Variants in FADS2 observed in about 807,000 individuals in gnomAD.
The protein encoded by FADS2 is fatty acid desaturase 2.
A neutral mutation model predicts 61.2 loss-of-function variants in FADS2; 18 were observed. The ratio of observed to expected loss-of-function variants is 0.29; its 90% CI spans 0.20 to 0.44. FADS2 has a LOEUF of 0.44. FADS2 is among the 20% of genes least tolerant of loss of function. FADS2 has a pLI of 1.00. For missense variants in FADS2, 322 were observed against 572.7 expected, an observed-to-expected ratio of 0.56 and a Z score of 4.47; for synonymous variants, 203 against 223.9, an observed-to-expected ratio of 0.91 and a Z score of 0.83.
At chr11:61,821,451 G>A (rs1224955754) in intron 1 of FADS2, 2 of 701,460 alleles carry the variant, frequency 2.9e-6, no homozygotes, top group African/African-American at 1.7e-5. Context: ...GCCAGTGGCT[G>A]TTGGAATAAC....
chr11:61,826,384 C>T (rs1401655544), upstream of FADS2: 1 of 702,570 alleles, frequency 1.4e-6, no homozygotes, highest in South Asian at 1.5e-5. Flanking sequence ...ATACGTGCTC[C>T]CTTTTAGGGC....
At chr11:61,820,864 C>T (rs1474809465) in intron 1 of FADS2, among the ~76,000 whole-genome samples, 1 of 152,130 alleles carries the variant, frequency 6.6e-6, no homozygotes, top group Non-Finnish European at 1.5e-5. Flanking sequence ...TGCACCACTG[C>T]ACTCCAGCCT....
At chr11:61,833,945 T>G (rs2067149923) in intron 1 of FADS2, among the ~76,000 whole-genome samples, 1 of 152,230 alleles carries the variant, frequency 6.6e-6, no homozygotes. Flanking sequence ...ACAAGACAGG[T>G]GCAGGCCTTC....
intron 1 of FADS2, among the ~76,000 whole-genome samples, chr11:61,821,156 G>T (rs1394237321): frequency 1.3e-5 from 2 of 152,150 alleles, no homozygotes; most frequent in East Asian, 3.8e-4. Flanking sequence ...TTAATTTTAG[G>T]TTGCCACTTG....
chr11:61,851,650 C>G (rs1331119729), intron 5 of FADS2, among the ~76,000 whole-genome samples: 1 of 152,214 alleles, frequency 6.6e-6, no homozygotes, highest in Non-Finnish European at 1.5e-5. Flanking sequence ...ACAGCAGGGC[C>G]AGGTGGGGCG....
At chr11:61,835,426 G>T (rs2067164863) in intron 1 of FADS2, among the ~76,000 whole-genome samples, 1 of 144,536 alleles carries the variant, frequency 6.9e-6, no homozygotes, top group Middle Eastern at 3.2e-3. Context: ...ATGGAGTCTC[G>T]CTCTGTCGCC....
At position 61,865,346 on chromosome 11, in the gene FADS2, A is replaced by G. The variant is rs977257200; in HGVS notation, c.1283+69A>G. On this transcript the variant is annotated intron_variant, in intron 11 of 11. Transcript: ENST00000278840. This position sits in a 1 kb window ranked among gnomAD's most constrained non-coding sequence, Gnocchi z 4.1. ...GTGGTGCAGACAGTGGGATCACAAG[A>G]GGGGCTGGGCCCTCCTGGCACAGTC... 1.9e-6 allele frequency: 3 copies of G among 1,574,554 alleles called. No individual in the cohort carries two copies. Among genetic ancestry groups the G allele is most frequent in the Non-Finnish European group, 1.7e-6 (2 of 1,159,012 alleles).
rs548933757 is a variant in FADS2, at chr11:61,863,733, G to A, written c.1104G>A (p.Gln368=). The change falls in exon 10 of 12, where the codon CAG becomes CAA. Residue 368 remains glutamine (Q), a synonymous_variant. Transcript: ENST00000278840. ...TGACAGCCACCTGCAACGTGGAGCA[G>A]TCCTTCTTCAACGACTGGTTCAGTG... ...SQLTATCNVE[Q]SFFNDWFSGH... 8.7e-6 allele frequency: 14 copies of A among 1,614,240 alleles called. No homozygotes were observed. The highest frequency in any genetic ancestry group is 2.7e-5 in the African/African-American group (2 of 75,078).
Position 61,828,505 on chromosome 11 carries a change from A to G in FADS2, c.115A>G (p.Ile39Val). The G allele has an allele frequency of 6.2e-7, 1 of 1,613,702 alleles. No homozygotes were observed. Among genetic ancestry groups the G allele is most frequent in the East Asian group, 2.2e-5 (1 of 44,866 alleles). ...HNLRTDRWLV[I>V]DRKVYNITKW... is the part of the protein sequence containing the mutation. ...CCTGCGCACCGACAGGTGGCTGGTC[A>G]TTGACCGCAAGGTTTACAACATCAC... Residue 39 changes from isoleucine (I) to valine (V), a missense_variant, in exon 1 of 12, where the codon ATT becomes GTT. By Grantham distance (29) the Ile-to-Val change is conservative. Coordinates refer to ENST00000278840, the MANE Select transcript of FADS2 (RefSeq NM_004265.4). The surrounding 1 kb of genome is among the most constrained non-coding windows in gnomAD (Gnocchi z 6.4).
At chr11:61,849,456 C>T (rs576301090) in intron 5 of FADS2, among the ~76,000 whole-genome samples, 17 of 152,068 alleles carry the variant, frequency 1.1e-4, no homozygotes, top group Admixed American at 8.5e-4. Context: ...CATGGTAGCA[C>T]GTGCCTAGTC....
At chr11:61,853,282 CCCTCCCTCCCTTCCTTCCTT>C (rs1565334557) in intron 5 of FADS2, among the ~76,000 whole-genome samples, 2 of 61,382 alleles carry the variant, frequency 3.3e-5, no homozygotes, top group East Asian at 7.0e-4. Context: ...TCCCTTCCCT[CCCTCCCTCCCTTCCTTCCTT>C]CCTTCCTTCC....
At chr11:61,817,094 G>A in intron 1 of FADS2, 1 of 767,934 alleles carries the variant, frequency 1.3e-6, no homozygotes, top group East Asian at 3.4e-5. Flanking sequence ...GGCTCCCAGG[G>A]GGCGCCGCGG....
chr11:61,828,113 G>A, upstream of FADS2: 1 of 1,332,366 alleles, frequency 7.5e-7, no homozygotes, highest in African/African-American at 1.5e-5. The surrounding 1 kb of genome is among the most constrained non-coding windows in gnomAD (Gnocchi z 6.4). Context: ...TTTACTGGAG[G>A]CAAAAGTCCA....
intron 1 of FADS2, among the ~76,000 whole-genome samples, chr11:61,836,472 T>C (rs193278124): frequency 1.9e-3 from 285 of 152,278 alleles, no homozygotes; most frequent in Non-Finnish European, 3.1e-3. Flanking sequence ...GCTTATTGTA[T>C]CTTCCTGCCT....
intron 2 of FADS2, 50 bp downstream of exon 2, chr11:61,837,938 G>A: frequency 7.4e-7 from 1 of 1,354,456 alleles, no homozygotes; most frequent in Non-Finnish European, 1.0e-6. Context: ...GCTGGGGGTG[G>A]CTGGGAGTCT....
At chr11:61,826,832 C>T (rs1404131980), upstream of FADS2, among the ~76,000 whole-genome samples, 2 of 152,154 alleles carry the variant, frequency 1.3e-5, no homozygotes, top group Non-Finnish European at 2.9e-5. Context: ...GTGATCCCCC[C>T]ACCACCCCTG....
intron 4 of FADS2, among the ~76,000 whole-genome samples, chr11:61,845,640 A>C (rs954758710): frequency 6.6e-6 from 1 of 152,086 alleles, no homozygotes; most frequent in Non-Finnish European, 1.5e-5. Flanking sequence ...TGAAAATATA[A>C]AAATTAGCCG....
Position 61,837,869 on chromosome 11 carries a change from G to C in FADS2, c.299G>C (p.Ser100Thr), listed in dbSNP as rs1386660962. 6.2e-7 allele frequency: 1 copy of C among 1,613,300 alleles called. No individual in the cohort carries two copies. Residue 100 changes from serine (S) to threonine (T), a missense_variant, in exon 2 of 12, where the codon AGC (serine) becomes ACC (threonine). Ser to Thr is a moderately conservative substitution (Grantham distance 58). Around this residue, in one of 3 missense-constraint regions of FADS2, gnomAD observed 40 missense variants for 37.3 expected, o/e 1.07. Coordinates refer to ENST00000278840, the MANE Select transcript of FADS2 (RefSeq NM_004265.4). ...LIGELAPEEP[S>T]QDHGKNSKIT... Reference sequence around the variant, plus strand: ...GGTGAACTGGCCCCGGAGGAGCCCAGCCAGGACCACGGCAAGAACGTAAGT... The same window carrying C: ...GGTGAACTGGCCCCGGAGGAGCCCACCCAGGACCACGGCAAGAACGTAAGT...
At chr11:61,848,383 T>C in intron 5 of FADS2, 99 bp downstream of exon 5, 6 of 1,573,696 alleles carry the variant, frequency 3.8e-6, no homozygotes, top group Non-Finnish European at 5.2e-6. Context: ...ACCTAGGAAG[T>C]GTTTGGCCTG....
Sources: allele counts gnomAD v4.1 joint callset (sites outside exome capture counted in the v4.1 genomes callset), GRCh38; gene constraint gnomAD v4.1.1; regional missense constraint gnomAD v4.1.1; non-coding constraint Gnocchi (gnomAD v3.1); transcripts MANE v1.5; gene names NCBI Gene and HGNC (gene_info 2026-07-23, HGNC 2026-07-21).